The following RNF217 variants were observed in gnomAD, a reference collection of about 807,000 sequenced individuals.
RNF217 encodes E3 ubiquitin-protein ligase RNF217.
RNF217 carries 31 observed loss-of-function variants against 57.8 expected under a neutral mutation model. The observed-to-expected ratio is 0.54, with a 90% CI of 0.40 to 0.72. RNF217 has a LOEUF of 0.72. Ranked by LOEUF, RNF217 falls within the 30% of genes least tolerant of loss-of-function variation. The probability of loss-of-function intolerance (pLI) is 0.00; values close to 1 mark genes in which losing one functional copy is unlikely to be tolerated. For missense variants in RNF217, 696 were observed against 708.3 expected, an observed-to-expected ratio of 0.98 and a Z score of 0.20; for synonymous variants, 313 against 294.0, an observed-to-expected ratio of 1.06 and a Z score of -0.66.
At chr6:125,065,830 C>A (rs1169130972) in intron 3 of RNF217, among the ~76,000 whole-genome samples, 1 of 152,118 alleles carries the variant, frequency 6.6e-6, no homozygotes, top group African/African-American at 2.4e-5. Context: ...TTGGCTCAGT[C>A]GGTAGGCAAA....
intron 1 of RNF217, among the ~76,000 whole-genome samples, chr6:124,988,979 C>T (rs1784454247): frequency 6.6e-6 from 1 of 152,150 alleles, no homozygotes; most frequent in African/African-American, 2.4e-5. Flanking sequence ...GCTCTTTGAA[C>T]AGGGGTATCA....
chr6:125,074,356 T>C (rs1484691325), intron 3 of RNF217, among the ~76,000 whole-genome samples: 1 of 148,938 alleles, frequency 6.7e-6, no homozygotes, highest in African/African-American at 2.5e-5. Flanking sequence ...TAGATAGGGA[T>C]GGGAGGAAGG....
intron 1 of RNF217, among the ~76,000 whole-genome samples, chr6:125,036,341 G>T (rs1189397333): frequency 6.6e-6 from 1 of 152,120 alleles, no homozygotes; most frequent in Admixed American, 6.6e-5. Flanking sequence ...GGGCATTTGG[G>T]TTGGTTCCAA....
At chr6:124,983,491 G>T in intron 1 of RNF217, 2 of 984,426 alleles carry the variant, frequency 2.0e-6, no homozygotes, top group Non-Finnish European at 2.4e-6. Context: ...TGTCACTAAT[G>T]AAAAGGACCT....
chr6:125,023,915 G>A (rs552074053), intron 1 of RNF217, among the ~76,000 whole-genome samples: 1 of 152,130 alleles, frequency 6.6e-6, no homozygotes, highest in East Asian at 1.9e-4. Context: ...GTTACCAGGG[G>A]ATGGGCATGG....
chr6:124,984,085 G>C (rs1395124050), intron 1 of RNF217, among the ~76,000 whole-genome samples: 1 of 152,100 alleles, frequency 6.6e-6, no homozygotes, highest in Non-Finnish European at 1.5e-5. Flanking sequence ...TTCACCTTTG[G>C]TGTTACATGA....
chr6:125,070,635 G>A (rs945482415), intron 3 of RNF217, among the ~76,000 whole-genome samples: 2 of 152,080 alleles, frequency 1.3e-5, no homozygotes, highest in African/African-American at 2.4e-5. Context: ...TTGACTGTTG[G>A]TATCTCTTCT....
At chr6:125,052,832 C>A (rs190086554) in intron 2 of RNF217, among the ~76,000 whole-genome samples, 3 of 152,182 alleles carry the variant, frequency 2.0e-5, no homozygotes, top group Admixed American at 2.0e-4. Context: ...TTCTTTAGGA[C>A]ATACCCGAAT....
chr6:124,995,705 T>G (rs184863905), intron 1 of RNF217, among the ~76,000 whole-genome samples: 32 of 152,232 alleles, frequency 2.1e-4, no homozygotes, highest in Admixed American at 1.0e-3. Flanking sequence ...GTGGATCACC[T>G]GAGGTCAGGA....
chr6:125,055,752 T>G (rs916785700), intron 2 of RNF217, among the ~76,000 whole-genome samples: 1 of 152,066 alleles, frequency 6.6e-6, no homozygotes, highest in Non-Finnish European at 1.5e-5. Context: ...AGCAATTTTT[T>G]TCCTTCTTTC....
intron 1 of RNF217, among the ~76,000 whole-genome samples, chr6:125,039,122 T>C (rs1184643859): frequency 6.6e-6 from 1 of 152,152 alleles, no homozygotes; most frequent in Non-Finnish European, 1.5e-5. Context: ...GTTCCTGCTT[T>C]AGTTTGCTGA....
At chr6:125,027,133 G>C (rs934214766) in intron 1 of RNF217, among the ~76,000 whole-genome samples, 3 of 152,024 alleles carry the variant, frequency 2.0e-5, no homozygotes, top group Non-Finnish European at 4.4e-5. Context: ...ATCCCCTCAA[G>C]TATTTATCCT....
At chr6:125,002,580 T>A (rs554802818) in intron 1 of RNF217, among the ~76,000 whole-genome samples, 4 of 152,222 alleles carry the variant, frequency 2.6e-5, no homozygotes, top group African/African-American at 9.6e-5. Flanking sequence ...AACCTTATTA[T>A]CTACGACCAC....
At chr6:124,998,723 C>A (rs1180265113) in intron 1 of RNF217, among the ~76,000 whole-genome samples, 1 of 152,190 alleles carries the variant, frequency 6.6e-6, no homozygotes, top group African/African-American at 2.4e-5. Context: ...ATCGTTTGAA[C>A]CTGGGAGGGG....
At chr6:125,009,473 GA>G (rs112538609) in intron 1 of RNF217, 98,382 of 411,068 alleles carry the variant, frequency 0.24, 10,470 homozygotes, top group African/African-American at 0.33. Context: ...TAAGAAGGCA[GA>G]AAAAAAAAAG....
rs1788888355 is a variant in RNF217, at chr6:125,090,046, T to G, written c.*7109T>G. 6.6e-6 allele frequency: 1 copy of G among 152,108 alleles called. No individual in the cohort carries two copies. The highest frequency in any genetic ancestry group is 2.1e-4 in the South Asian group (1 of 4,832). The allele number at this position is 152,108 out of a possible 1,614,324, so 9.4% of individuals were successfully genotyped here. On this transcript the variant is annotated 3_prime_UTR_variant, in exon 6 of 6. Transcript: ENST00000521654. ...CTTCTAAGACCCATTTTTTTAAGTG[T>G]CATATGGCAACTCCTCAATAGCTTA...
intron 1 of RNF217, among the ~76,000 whole-genome samples, chr6:124,987,386 C>G (rs1784401476): frequency 6.6e-6 from 1 of 152,132 alleles, no homozygotes. Flanking sequence ...TGCCCTCACC[C>G]CAGGCCTCCT....
chr6:125,023,673 A>C (rs1330298090), intron 1 of RNF217, among the ~76,000 whole-genome samples: 5 of 152,196 alleles, frequency 3.3e-5, no homozygotes, highest in Non-Finnish European at 7.3e-5. Context: ...GAAACCACCT[A>C]AGTGCCCATT....
At chr6:125,003,707 A>G (rs1037798211) in intron 1 of RNF217, among the ~76,000 whole-genome samples, 1 of 152,174 alleles carries the variant, frequency 6.6e-6, no homozygotes, top group African/African-American at 2.4e-5. Flanking sequence ...ATATGTATAT[A>G]TAATTATTTG....
Sources: allele counts gnomAD v4.1 joint callset (sites outside exome capture counted in the v4.1 genomes callset), GRCh38; gene constraint gnomAD v4.1.1; transcripts MANE v1.5; gene names NCBI Gene and HGNC (gene_info 2026-07-23, HGNC 2026-07-21).